Variants in NRG2 observed in about 807,000 individuals in gnomAD.
NRG2 encodes the protein pro-neuregulin-2, membrane-bound isoform.
NRG2 carries 27 observed loss-of-function variants against 73.9 expected under a neutral mutation model. The observed-to-expected ratio is 0.37, with a 90% CI of 0.27 to 0.50. The LOEUF is 0.50. NRG2 is among the 20% of genes least tolerant of loss of function. NRG2 has a pLI of 0.96. For synonymous variants in NRG2, 532 were observed against 541.0 expected (o/e 0.98, Z 0.23); for missense variants, 1,126 against 1,210.1 (o/e 0.93, Z 1.03).
intron 1 of NRG2, among the ~76,000 whole-genome samples, chr5:140,020,933 G>A (rs1439970261): frequency 1.3e-5 from 2 of 152,158 alleles, no homozygotes; most frequent in Non-Finnish European, 2.9e-5. Flanking sequence ...ATGCCTGCCA[G>A]AAGAAATACT....
intron 1 of NRG2, among the ~76,000 whole-genome samples, chr5:139,927,537 G>A (rs1752148251): frequency 6.6e-6 from 1 of 152,064 alleles, no homozygotes; most frequent in Admixed American, 6.5e-5. Context: ...GCTGAGGTGG[G>A]CGGATCACCT....
intron 1 of NRG2, among the ~76,000 whole-genome samples, chr5:139,901,780 T>A (rs1004368374): frequency 6.6e-6 from 1 of 152,134 alleles, no homozygotes; most frequent in African/African-American, 2.4e-5. Context: ...CAGAGGAGAC[T>A]TTTTTTAAAT....
At position 139,904,557 on chromosome 5, in the gene NRG2, G is replaced by C. The variant is rs1440649960; in HGVS notation, c.701-17046C>G. On this transcript the variant is annotated intron_variant, in intron 1 of 9. Coordinates refer to ENST00000361474, the MANE Select transcript of NRG2 (RefSeq NM_004883.3). This position sits in a 1 kb window ranked among gnomAD's most constrained non-coding sequence, Gnocchi z 6.0. The stretch of plus-strand genomic sequence containing the variant: ...CGAGCCTTAACTCTTCCCCTCCCGC[G>C]CCCTCCACCCTCGCCCCCCCTCCAC... Among the ~76,000 whole-genome samples, 1 of 152,024 alleles carries C rather than the reference G, an allele frequency of 6.6e-6. No individual in the cohort carries two copies. Among genetic ancestry groups the C allele is most frequent in the Non-Finnish European group, 1.5e-5 (1 of 67,950 alleles).
intron 1 of NRG2, among the ~76,000 whole-genome samples, chr5:139,896,230 A>C (rs1369345143): frequency 2.0e-5 from 3 of 152,244 alleles, no homozygotes; most frequent in African/African-American, 2.4e-5. Context: ...TTTGTATCAG[A>C]ACAAACAGAC....
At position 139,982,745 on chromosome 5, in the gene NRG2, C is replaced by T. The variant is rs1398267962; in HGVS notation, c.700+59625G>A. Among the ~76,000 whole-genome samples, 25 of 152,180 alleles carry T rather than the reference C, an allele frequency of 1.6e-4. 1 individual carries two copies. Among genetic ancestry groups the T allele is most frequent in the Non-Finnish European group, 1.5e-5 (1 of 68,044 alleles). On this transcript the variant is annotated intron_variant, in intron 1 of 9. Coordinates refer to ENST00000361474, the MANE Select transcript of NRG2 (RefSeq NM_004883.3). ...TTCGGGTGTTATCCTCTTCCCATTC[C>T]CCCGCAAGGCGCCTTGCTTTCCCCT...
chr5:139,987,599 T>A (rs1561731820), intron 1 of NRG2, among the ~76,000 whole-genome samples: 1 of 152,120 alleles, frequency 6.6e-6, no homozygotes, highest in Non-Finnish European at 1.5e-5. Context: ...CCAATGAGAC[T>A]GTCCCTGAAT....
At position 139,887,863 on chromosome 5, in the gene NRG2, C is replaced by T. The variant is rs532340997; in HGVS notation, c.701-352G>A. On this transcript the variant is annotated intron_variant, in intron 1 of 9. Transcript: ENST00000361474. This position sits in a 1 kb window ranked among gnomAD's most constrained non-coding sequence, Gnocchi z 4.5. The stretch of plus-strand genomic sequence containing the variant: ...GGCTCGGAATGGTGAAGTCACTTCC[C>T]TAAGGGCAGATGATGGAACTGGGAT... Among the ~76,000 whole-genome samples the T allele has an allele frequency of 6.6e-6, 1 of 152,218 alleles. No homozygotes were observed. The highest frequency in any genetic ancestry group is 6.5e-5 in the Admixed American group (1 of 15,280).
chr5:139,932,923 T>C (rs1752583903), intron 1 of NRG2, among the ~76,000 whole-genome samples: 2 of 152,146 alleles, frequency 1.3e-5, no homozygotes, highest in Admixed American at 1.3e-4. Flanking sequence ...TTAATAATTA[T>C]ATTAAATGTA....
At chr5:140,004,659 T>C (rs1668666831) in intron 1 of NRG2, among the ~76,000 whole-genome samples, 1 of 152,040 alleles carries the variant, frequency 6.6e-6, no homozygotes, top group Non-Finnish European at 1.5e-5. Flanking sequence ...AGTGTCAAGA[T>C]CATGGAAGGC....
chr5:139,848,073 ACG>A lies in NRG2; in HGVS notation c.2395_2396del (p.Arg799TrpfsTer96). 3 of 1,497,558 alleles carry A rather than the reference ACG, an allele frequency of 2.0e-6. No homozygotes were observed. Among genetic ancestry groups the A allele is most frequent in the Non-Finnish European group, 2.7e-6 (3 of 1,130,576 alleles). 92.8% of individuals were successfully genotyped at this position (1,497,558 alleles called of 1,614,324 possible). ...CCGAGCGCAGCGCGTCGTGCGCCCC[ACG>A]CAGGCCCAGGAAAGGTGTGCTCTCG... ...AAESTPFLGL[R>X]GAHDALRSDS... On this transcript the variant is annotated frameshift_variant, in exon 10 of 10. Transcript: ENST00000361474. LOFTEE classifies it high-confidence loss of function.
intron 1 of NRG2, among the ~76,000 whole-genome samples, chr5:139,925,013 C>G (rs939183948): frequency 6.6e-6 from 1 of 152,146 alleles, no homozygotes; most frequent in Middle Eastern, 3.4e-3. Context: ...GTAGGACACA[C>G]GAAGCCTGGG....
At chr5:139,972,778 T>C (rs1241648339) in intron 1 of NRG2, among the ~76,000 whole-genome samples, 1 of 152,068 alleles carries the variant, frequency 6.6e-6, no homozygotes, top group Admixed American at 6.5e-5. Context: ...AAAAACTCTA[T>C]ACAGCATTTA....
rs1240222809 is a variant in NRG2, at chr5:139,870,980, G to A, written c.1112+741C>T. On this transcript the variant is annotated intron_variant, in intron 4 of 9. Coordinates refer to ENST00000361474, the MANE Select transcript of NRG2 (RefSeq NM_004883.3). The surrounding 1 kb of genome is among the most constrained non-coding windows in gnomAD (Gnocchi z 4.4). ...GGCTGGTGAGCAGGCTCTGGCCCCT[G>A]GGGAGGCTGAGAGGCCCCAGCCTGA... 2.6e-5 allele frequency: 4 copies of A among 152,334 alleles called. No homozygotes were observed. The highest frequency in any genetic ancestry group is 9.6e-5 in the African/African-American group (4 of 41,454). The allele number at this position is 152,334 out of a possible 1,614,324, so 9.4% of individuals were successfully genotyped here.
rs1751161987 is a variant in NRG2, at chr5:139,915,255, G to A, written c.701-27744C>T. Among the ~76,000 whole-genome samples, 1 of 152,182 alleles carries A rather than the reference G, an allele frequency of 6.6e-6. No homozygotes were observed. The highest frequency in any genetic ancestry group is 2.4e-5 in the African/African-American group (1 of 41,426). ...ATTTTTAAGAGCTTATTACCAAATA[G>A]GCTGTAAATGGCTTTCCAGCCTTCT... is the stretch of plus-strand genomic sequence containing the variant. On this transcript the variant is annotated intron_variant, in intron 1 of 9. Coordinates refer to ENST00000361474, the MANE Select transcript of NRG2 (RefSeq NM_004883.3). The surrounding 1 kb of genome is among the most constrained non-coding windows in gnomAD (Gnocchi z 4.0).
chr5:139,848,755 G>T, intron 9 of NRG2, 58 bp from the exon 10 acceptor site: 2 of 811,886 alleles, frequency 2.5e-6, no homozygotes, highest in Non-Finnish European at 3.5e-6. Context: ...CGGGGGAGGG[G>T]GGGTTGGGGG....
chr5:140,011,155 T>G (rs1561750728), intron 1 of NRG2, among the ~76,000 whole-genome samples: 1 of 152,284 alleles, frequency 6.6e-6, no homozygotes, highest in Non-Finnish European at 1.5e-5. Context: ...TTTAACAATC[T>G]GGCCACAGCC....
At chr5:139,976,078 A>AT (rs1044987127) in intron 1 of NRG2, among the ~76,000 whole-genome samples, 2 of 152,202 alleles carry the variant, frequency 1.3e-5, no homozygotes, top group Non-Finnish European at 2.9e-5. Flanking sequence ...AAAAGGTGAC[A>AT]CAGAGAGGCT....
chr5:139,847,821 TTTTA>T lies in NRG2; in HGVS notation c.*92_*95del, dbSNP rs1761086368. 2.5e-5 allele frequency: 19 copies of T among 745,966 alleles called. No homozygotes were observed. The highest frequency in any genetic ancestry group is 1.3e-4 in the Admixed American group (3 of 23,128). 46.2% of individuals were successfully genotyped at this position (745,966 alleles called of 1,614,324 possible). A position where few individuals can be genotyped will look rare whatever the true frequency, so the allele number is the denominator to read the frequency against. On this transcript the variant is annotated 3_prime_UTR_variant, in exon 10 of 10. Coordinates refer to ENST00000361474, the MANE Select transcript of NRG2 (RefSeq NM_004883.3). ...TTCCTTTTATAGAAAATAAAAATAT[TTTTA>T]TTTCTTTTTTCCTCCTTTCTCTCCA...
Position 139,847,658 on chromosome 5 carries a change from TTG to T in NRG2, c.*257_*258del, listed in dbSNP as rs1353000215. On this transcript the variant is annotated 3_prime_UTR_variant, in exon 10 of 10. Coordinates refer to ENST00000361474, the MANE Select transcript of NRG2 (RefSeq NM_004883.3). ...TTGGCCCATCTCTCTTTTTTTTTTGTTGTTTCTTTTTTTTTTCCGAAGCTGTA... is the reference window on the plus strand; with the variant it reads ...TTGGCCCATCTCTCTTTTTTTTTTGTTTTCTTTTTTTTTTCCGAAGCTGTA... The T allele has an allele frequency of 3.0e-5, 9 of 299,874 alleles. No individual in the cohort carries two copies. Among genetic ancestry groups the T allele is most frequent in the Non-Finnish European group, 5.4e-5 (9 of 165,892 alleles). The allele number at this position is 299,874 out of a possible 1,614,324, so 18.6% of individuals were successfully genotyped here.
Sources: gnomAD v4.1 joint callset for allele counts (sites outside exome capture counted in the v4.1 genomes callset) on GRCh38, gnomAD v4.1.1 for gene constraint, Gnocchi (gnomAD v3.1) non-coding constraint, MANE v1.5 for transcripts, NCBI Gene and HGNC (gene_info 2026-07-23, HGNC 2026-07-21) for gene names.